TENM3: variants seen among roughly 807,000 people sequenced by gnomAD.
The protein encoded by TENM3 is teneurin-3.
TENM3 carries 63 observed loss-of-function variants against 255.1 expected under a neutral mutation model. That is an observed-to-expected ratio of 0.25 (90% CI 0.20 to 0.30). The LOEUF (loss-of-function observed/expected upper bound fraction) is 0.30. Ranked by LOEUF, TENM3 falls within the 10% of genes least tolerant of loss-of-function variation. The probability of loss-of-function intolerance (pLI) is 1.00; values close to 1 mark genes in which losing one functional copy is unlikely to be tolerated. For synonymous variants in TENM3, 1,306 were observed against 1,322.3 expected, an observed-to-expected ratio of 0.99 and a Z score of 0.27; for missense variants, 2,929 against 3,461.1, an observed-to-expected ratio of 0.85 and a Z score of 3.86.
the TENM3 span, among the ~76,000 whole-genome samples, chr4:181,858,001 G>A: frequency 4.6e-5 from 7 of 152,186 alleles, no homozygotes; most frequent in Non-Finnish European, 1.0e-4. Flanking sequence ...TGGACCCAGC[G>A]ATCCTGAACA....
chr4:181,808,636 T>A, the TENM3 span, among the ~76,000 whole-genome samples: 4 of 152,192 alleles, frequency 2.6e-5, no homozygotes, highest in Non-Finnish European at 5.9e-5. Flanking sequence ...ACATATTCCC[T>A]TCAATTCATA....
the TENM3 span, among the ~76,000 whole-genome samples, chr4:181,616,263 T>G: frequency 7.7e-6 from 1 of 129,660 alleles, no homozygotes; most frequent in African/African-American, 2.9e-5. Context: ...GGACCTTCCC[T>G]GTATTAGTAA....
chr4:182,118,833 T>A, the TENM3 span, among the ~76,000 whole-genome samples: 1 of 152,232 alleles, frequency 6.6e-6, no homozygotes, highest in African/African-American at 2.4e-5. Context: ...ATACTTTTTA[T>A]ACATTGTTGG....
At chr4:181,675,636 G>A in the TENM3 span, among the ~76,000 whole-genome samples, 34 of 152,228 alleles carry the variant, frequency 2.2e-4, no homozygotes, top group Middle Eastern at 3.4e-3. Context: ...CTAGGTCCTC[G>A]AAAGGTCATC....
chr4:182,623,996 G>T (rs1750565360), intron 4 of TENM3, among the ~76,000 whole-genome samples: 1 of 152,090 alleles, frequency 6.6e-6, no homozygotes, highest in Non-Finnish European at 1.5e-5. Context: ...TTCTCTTTGA[G>T]ATCCTGTTAT....
chr4:182,056,250 A>G, the TENM3 span, among the ~76,000 whole-genome samples: 9 of 152,208 alleles, frequency 5.9e-5, no homozygotes, highest in African/African-American at 2.2e-4. Flanking sequence ...ATGCAGCTCA[A>G]TTCCAATTTG....
intron 24 of TENM3, among the ~76,000 whole-genome samples, chr4:182,784,877 C>T (rs796438079): frequency 6.6e-6 from 1 of 152,168 alleles, no homozygotes; most frequent in Non-Finnish European, 1.5e-5. Flanking sequence ...ACCCCTTGCA[C>T]TTCCCAAGTG....
intron 3 of TENM3, among the ~76,000 whole-genome samples, chr4:182,530,845 G>A (rs1237555708): frequency 6.6e-6 from 1 of 152,208 alleles, no homozygotes; most frequent in Non-Finnish European, 1.5e-5. Context: ...GCCCAGTGGA[G>A]TTTGGTGCCA....
chr4:181,753,842 A>C, the TENM3 span, among the ~76,000 whole-genome samples: 2 of 152,170 alleles, frequency 1.3e-5, no homozygotes, highest in South Asian at 4.1e-4. Flanking sequence ...TCATACCCAC[A>C]CATTGTACTA....
the TENM3 span, among the ~76,000 whole-genome samples, chr4:181,610,958 C>T: frequency 2.0e-5 from 3 of 152,130 alleles, no homozygotes; most frequent in African/African-American, 7.2e-5. Flanking sequence ...ATGTGGAAAG[C>T]CACTGGAAAA....
chr4:181,880,277 A>G, the TENM3 span, among the ~76,000 whole-genome samples: 434 of 152,294 alleles, frequency 2.8e-3, 2 homozygotes, highest in Non-Finnish European at 3.9e-3. Context: ...GATACTCCTG[A>G]CTTCTTAGAA....
chr4:181,666,062 A>C, the TENM3 span, among the ~76,000 whole-genome samples: 5 of 152,138 alleles, frequency 3.3e-5, no homozygotes, highest in African/African-American at 1.2e-4. Context: ...TAGATTTGTT[A>C]ATGTATTCTC....
the TENM3 span, among the ~76,000 whole-genome samples, chr4:181,760,999 C>CACACACACACACAT: frequency 0.014 from 1,994 of 145,604 alleles, 55 homozygotes; most frequent in African/African-American, 0.044. Context: ...CACACACACA[C>CACACACACACACAT]ACACACACAC....
the TENM3 span, among the ~76,000 whole-genome samples, chr4:181,582,637 A>ACT: frequency 6.8e-6 from 1 of 147,348 alleles, no homozygotes; most frequent in African/African-American, 2.5e-5. Flanking sequence ...ACAGAGTGAG[A>ACT]CTCCCATCTC....
At chr4:182,202,235 C>T (rs750780382) in intron 1 of TENM3, among the ~76,000 whole-genome samples, 22 of 150,488 alleles carry the variant, frequency 1.5e-4, no homozygotes, top group East Asian at 5.8e-4. Context: ...AATTCTAAAA[C>T]GGATTGGAAG....
the TENM3 span, among the ~76,000 whole-genome samples, chr4:182,082,249 C>A: frequency 3.3e-5 from 5 of 152,144 alleles, no homozygotes; most frequent in African/African-American, 4.8e-5. Flanking sequence ...CTCTCCATGT[C>A]CTCACATGGC....
the TENM3 span, among the ~76,000 whole-genome samples, chr4:182,023,199 C>A: frequency 1.3e-5 from 2 of 152,082 alleles, no homozygotes; most frequent in Admixed American, 6.6e-5. Context: ...CTCTTTTAAA[C>A]TTTCTTTTTT....
chr4:182,100,480 C>T, the TENM3 span, among the ~76,000 whole-genome samples: 2 of 138,992 alleles, frequency 1.4e-5, no homozygotes, highest in South Asian at 2.3e-4. Context: ...CACACACACA[C>T]ACATATATAT....
the TENM3 span, among the ~76,000 whole-genome samples, chr4:181,825,604 T>C: frequency 1.3e-5 from 2 of 152,120 alleles, no homozygotes; most frequent in Non-Finnish European, 1.5e-5. Flanking sequence ...ATTTGGATAT[T>C]TGGTAAACTT....
Sources: allele counts gnomAD v4.1 joint callset (sites outside exome capture counted in the v4.1 genomes callset), GRCh38; gene constraint gnomAD v4.1.1; transcripts MANE v1.5; gene names NCBI Gene and HGNC (gene_info 2026-07-23, HGNC 2026-07-21).